The following ABI2 variants were observed in gnomAD, a reference collection of about 807,000 sequenced individuals.
ABI2 encodes abelson interactor 2.
Under a neutral mutation model 59.2 loss-of-function variants are expected in ABI2, and 25 were observed. The ratio of observed to expected loss-of-function variants is 0.42; its 90% CI spans 0.31 to 0.59. ABI2 has a LOEUF of 0.59. Among genes scored for constraint, ABI2 ranks in the 20% least tolerant of loss-of-function variants. The pLI is 0.14. For synonymous variants in ABI2, 213 were observed against 235.5 expected (o/e 0.90, Z 0.87); for missense variants, 545 against 681.8 (o/e 0.80, Z 2.23).
rs541730135 is a variant in ABI2 at position 203,422,554 on chromosome 2, A to G, written c.1454-4623A>G. ...TAGTTTCCTGGCTCCACAGAAGCGTAGTAATCAGATAACTGGGAGAAGACA... is the reference window on the plus strand; with the variant it reads ...TAGTTTCCTGGCTCCACAGAAGCGTGGTAATCAGATAACTGGGAGAAGACA... On this transcript the variant is annotated intron_variant, in intron 11 of 11. Transcript: ENST00000261018. Among the ~76,000 whole-genome samples the G allele has an allele frequency of 2.7e-3, 416 of 152,334 alleles. 4 individuals carry two copies. In the South Asian group the frequency reaches 0.028, roughly 10 times the overall value.
chr2:203,344,426 C>T (rs918237248), intron 1 of ABI2, among the ~76,000 whole-genome samples: 3 of 151,718 alleles, frequency 2.0e-5, no homozygotes, highest in Non-Finnish European at 2.9e-5. Context: ...AGTGCAGGGG[C>T]GTGATCATGT....
chr2:203,352,244 G>A (rs2089210632), intron 1 of ABI2, among the ~76,000 whole-genome samples: 1 of 152,160 alleles, frequency 6.6e-6, no homozygotes, highest in Admixed American at 6.6e-5. Flanking sequence ...AGGACGGCTT[G>A]AGTTCAGAAG....
Position 203,368,129 on chromosome 2 carries a change from C to T in ABI2, c.285+1085C>T, listed in dbSNP as rs180868597. The stretch of plus-strand genomic sequence containing the variant: ...ACATAATCTCTTGATGTTGTAAGTT[C>T]TTCATAAACATTCTCAGTGGCTGCA... On this transcript the variant is annotated intron_variant, in intron 2 of 11. Transcript: ENST00000261018. Among the ~76,000 whole-genome samples, 3 of 152,170 alleles carry T rather than the reference C, an allele frequency of 2.0e-5. No individual in the cohort carries two copies. The East Asian group carries it at 5.8e-4, about 29-fold the overall frequency.
At chr2:203,367,355 C>CT (rs1470412321) in intron 2 of ABI2, 2 of 176,032 alleles carry the variant, frequency 1.1e-5, no homozygotes, top group Non-Finnish European at 2.3e-5. Context: ...TTTCATACTT[C>CT]TTTATCAATT....
intron 4 of ABI2, 30 bp downstream of exon 4, chr2:203,382,236 C>A (rs868235518): frequency 3.3e-6 from 5 of 1,518,854 alleles, no homozygotes; most frequent in Middle Eastern, 3.4e-4. Context: ...GATTTCCATT[C>A]TTTGTTCTTA....
At chr2:203,362,625 C>G (rs1312509421) in intron 1 of ABI2, among the ~76,000 whole-genome samples, 1 of 151,838 alleles carries the variant, frequency 6.6e-6, no homozygotes, top group Non-Finnish European at 1.5e-5. Context: ...CTCCTGGGTT[C>G]AAGCTATTCT....
chr2:203,419,747 G>T (rs1225154296), intron 11 of ABI2, among the ~76,000 whole-genome samples: 6 of 152,024 alleles, frequency 3.9e-5, no homozygotes, highest in African/African-American at 1.4e-4. Context: ...CCAGCACTTT[G>T]GGAGGCTGAG....
intron 1 of ABI2, among the ~76,000 whole-genome samples, chr2:203,358,646 T>C (rs1414625983): frequency 6.6e-6 from 1 of 152,202 alleles, no homozygotes; most frequent in East Asian, 1.9e-4. Flanking sequence ...TATCCTTTCA[T>C]GTGTTTTAGG....
intron 4 of ABI2, 52 bp from the exon 5 acceptor site, chr2:203,390,994 G>C (rs1320641524): frequency 2.8e-6 from 4 of 1,425,024 alleles, no homozygotes; most frequent in Non-Finnish European, 3.9e-6. Flanking sequence ...TTTCCCAAAA[G>C]TGCCACTTTA....
chr2:203,328,624 A>T lies in ABI2; in HGVS notation c.110A>T (p.Tyr37Phe). The change falls in exon 1 of 12, where the codon TAC (tyrosine) becomes TTC (phenylalanine). Residue 37 changes from tyrosine to phenylalanine, a missense_variant. Tyr to Phe is a conservative substitution (Grantham distance 22). Transcript: ENST00000261018. Reference protein sequence around the residue: ...ERVADYCENNYIQSADKQRAL... With the variant: ...ERVADYCENNFIQSADKQRAL... ...GTGGCCGATTACTGCGAGAACAACTACATACAGGTGCGAAGCATCCCCAGC... is the reference window on the plus strand; with the variant it reads ...GTGGCCGATTACTGCGAGAACAACTTCATACAGGTGCGAAGCATCCCCAGC... 3 of 1,591,258 alleles carry T rather than the reference A, an allele frequency of 1.9e-6. No individual in the cohort carries two copies. The highest frequency in any genetic ancestry group is 2.6e-6 in the Non-Finnish European group (3 of 1,169,860).
rs1302982667 is a variant in ABI2, at chr2:203,432,139, A to G, written c.*4787A>G. Reference sequence around the variant, plus strand: ...TTGGAATTGTTGCCGTGTACTAAGAACTTGACCTAAATAAAATCCCACAAA... The same window carrying G: ...TTGGAATTGTTGCCGTGTACTAAGAGCTTGACCTAAATAAAATCCCACAAA... On this transcript the variant is annotated 3_prime_UTR_variant, in exon 12 of 12. Coordinates refer to ENST00000261018, the MANE Select transcript of ABI2 (RefSeq NM_001375670.1). The G allele has an allele frequency of 3.3e-5, 5 of 152,328 alleles. No homozygotes were observed. Among genetic ancestry groups the G allele is most frequent in the Admixed American group, 3.3e-4 (5 of 15,300 alleles). 9.4% of individuals were successfully genotyped at this position (152,328 alleles called of 1,614,324 possible).
At chr2:203,378,011 TAC>T (rs1350516414) in intron 2 of ABI2, among the ~76,000 whole-genome samples, 3 of 152,350 alleles carry the variant, frequency 2.0e-5, no homozygotes, top group Admixed American at 6.5e-5. Context: ...ACTTTTCTGT[TAC>T]AGTTTTCCCA....
In ABI2 at chr2:203,428,808, T is replaced by C. The variant is rs1239605567; in HGVS notation, c.*1456T>C. On this transcript the variant is annotated 3_prime_UTR_variant, in exon 12 of 12. Coordinates refer to ENST00000261018, the MANE Select transcript of ABI2 (RefSeq NM_001375670.1). ...GGTCCAGAGCTGCTAACGTGGGTTC[T>C]ACTCAGTCCCAGTGACTTGGCCAGA... The C allele has an allele frequency of 3.3e-5, 5 of 152,236 alleles. No homozygotes were observed. Among genetic ancestry groups the C allele is most frequent in the Non-Finnish European group, 7.3e-5 (5 of 68,054 alleles). The allele number at this position is 152,236 out of a possible 1,614,324, so 9.4% of individuals were successfully genotyped here.
chr2:203,372,585 G>A (rs1241800589), intron 2 of ABI2, among the ~76,000 whole-genome samples: 1 of 150,920 alleles, frequency 6.6e-6, no homozygotes, highest in Non-Finnish European at 1.5e-5. Flanking sequence ...CTCCCGGACG[G>A]GGCGGGTGGC....
At chr2:203,417,551 A>T (rs1388369827) in intron 11 of ABI2, among the ~76,000 whole-genome samples, 1 of 152,236 alleles carries the variant, frequency 6.6e-6, no homozygotes, top group East Asian at 1.9e-4. Context: ...CTTTGATATT[A>T]GCTAATTATG....
intron 10 of ABI2, among the ~76,000 whole-genome samples, chr2:203,415,461 C>G (rs1447323879): frequency 2.0e-5 from 3 of 151,606 alleles, no homozygotes; most frequent in Non-Finnish European, 4.4e-5. Context: ...ACTAAAAATA[C>G]AAAAAATTAG....
In ABI2 at chr2:203,405,030, TTAAAG is replaced by T. The variant is rs1349725476; in HGVS notation, c.1192+2301_1192+2305del. On this transcript the variant is annotated intron_variant, in intron 9 of 11. Coordinates refer to ENST00000261018, the MANE Select transcript of ABI2 (RefSeq NM_001375670.1). ...ATTTTCAAATGCTTGAAAGTATATGTTAAAGTAAAAAGATCCCCACTTTATGGAAT... is the reference window on the plus strand; with the variant it reads ...ATTTTCAAATGCTTGAAAGTATATGTTAAAAAGATCCCCACTTTATGGAAT... Among the ~76,000 whole-genome samples the T allele has an allele frequency of 5.3e-5, 8 of 152,360 alleles. No homozygotes were observed. In the East Asian group the frequency reaches 1.2e-3, roughly 22 times the overall value.
chr2:203,353,938 A>G (rs140619626), intron 1 of ABI2, among the ~76,000 whole-genome samples: 116 of 152,264 alleles, frequency 7.6e-4, no homozygotes, highest in Middle Eastern at 3.4e-3. Context: ...ATTTCTTCCT[A>G]TCTTCTTAAC....
intron 1 of ABI2, among the ~76,000 whole-genome samples, chr2:203,355,830 A>T (rs1219164851): frequency 2.8e-5 from 1 of 35,724 alleles, no homozygotes; most frequent in South Asian, 2.2e-3. Flanking sequence ...AAACTGTCTC[A>T]AAAAAAAAAA....
Sources: gnomAD v4.1 joint callset for allele counts (sites outside exome capture counted in the v4.1 genomes callset) on GRCh38, gnomAD v4.1.1 for gene constraint, MANE v1.5 for transcripts, NCBI Gene and HGNC (gene_info 2026-07-23, HGNC 2026-07-21) for gene names.